EFCAB6: variants seen among roughly 807,000 people sequenced by gnomAD.
EFCAB6 encodes the protein EF-hand calcium-binding domain-containing protein 6.
A neutral mutation model predicts 169.8 loss-of-function variants in EFCAB6; 156 were observed. The ratio of observed to expected loss-of-function variants is 0.92; its 90% CI spans 0.81 to 1.05. The LOEUF (loss-of-function observed/expected upper bound fraction) is 1.05. Ranked by LOEUF, EFCAB6 falls within the 50% of genes least tolerant of loss-of-function variation. The probability of loss-of-function intolerance (pLI) is 0.00; values close to 1 mark genes in which losing one functional copy is unlikely to be tolerated. For synonymous variants in EFCAB6, 698 were observed against 676.4 expected (o/e 1.03, Z -0.50); for missense variants, 1,800 against 1,829.1 (o/e 0.98, Z 0.29).
intron 9 of EFCAB6, among the ~76,000 whole-genome samples, chr22:43,715,867 A>G (rs983016139): frequency 2.0e-5 from 3 of 152,204 alleles, no homozygotes; most frequent in African/African-American, 4.8e-5. Context: ...CCTTATCGAC[A>G]CTGGCTTTGT....
intron 31 of EFCAB6, 178 bp downstream of exon 31, chr22:43,530,637 G>A: frequency 1.0e-6 from 1 of 985,448 alleles, no homozygotes; most frequent in Non-Finnish European, 1.2e-6. Context: ...GGGGTCTGAA[G>A]GTGAGGCGAG....
intron 2 of EFCAB6, among the ~76,000 whole-genome samples, chr22:43,805,966 A>ACTAG (rs1276763674): frequency 6.6e-6 from 1 of 152,108 alleles, no homozygotes; most frequent in East Asian, 1.9e-4. Context: ...GGAGTTCGAG[A>ACTAG]CTAGCCTGGC....
intron 6 of EFCAB6, among the ~76,000 whole-genome samples, chr22:43,746,900 G>A (rs1020690700): frequency 6.6e-6 from 1 of 152,206 alleles, no homozygotes; most frequent in African/African-American, 2.4e-5. Context: ...TAAGAGCCCT[G>A]GCCTCAGCTC....
intron 10 of EFCAB6, among the ~76,000 whole-genome samples, chr22:43,695,681 T>C (rs1361297720): frequency 6.6e-6 from 1 of 152,060 alleles, no homozygotes; most frequent in Non-Finnish European, 1.5e-5. Flanking sequence ...CACACTTATA[T>C]GGTTAGTTAA....
In EFCAB6 at chr22:43,678,027, A is replaced by T. The variant is rs1261256971; in HGVS notation, c.1388T>A (p.Met463Lys). 6.2e-7 allele frequency: 1 copy of T among 1,613,946 alleles called. No individual in the cohort carries two copies. The highest frequency in any genetic ancestry group is 8.5e-7 in the Non-Finnish European group (1 of 1,180,002). The part of the protein sequence containing the change: ...PGDTGVVNTS[M>K]FIDLIEENCR... ...GTTCTCTTCAATCAGATCAATAAACATGCTGGTGTTGACCACTCCAGTGTC... is the reference window on the plus strand; with the variant it reads ...GTTCTCTTCAATCAGATCAATAAACTTGCTGGTGTTGACCACTCCAGTGTC... The change falls in exon 13 of 32, where the codon ATG becomes AAG. Residue 463 changes from methionine (M) to lysine (K), a missense_variant. Coordinates refer to ENST00000262726, the MANE Select transcript of EFCAB6 (RefSeq NM_022785.4).
intron 6 of EFCAB6, among the ~76,000 whole-genome samples, chr22:43,749,470 G>C (rs1242916726): frequency 9.2e-5 from 14 of 152,138 alleles, no homozygotes; most frequent in Admixed American, 9.2e-4. Flanking sequence ...GAGGGGGTAT[G>C]GTTTCGGGAT....
At chr22:43,796,103 T>C (rs1357539117) in intron 2 of EFCAB6, among the ~76,000 whole-genome samples, 1 of 152,052 alleles carries the variant, frequency 6.6e-6, no homozygotes, top group Non-Finnish European at 1.5e-5. Flanking sequence ...CTGTATTTTA[T>C]TGATGAGTCT....
intron 8 of EFCAB6, among the ~76,000 whole-genome samples, chr22:43,723,078 G>A (rs761196210): frequency 1.3e-5 from 2 of 152,188 alleles, no homozygotes; most frequent in South Asian, 2.1e-4. Context: ...AACTGTATAC[G>A]TAGTGGAAAT....
intron 26 of EFCAB6, among the ~76,000 whole-genome samples, chr22:43,561,365 A>AAAAAG (rs1490036440): frequency 2.0e-5 from 3 of 151,868 alleles, no homozygotes; most frequent in African/African-American, 7.2e-5. Context: ...TCAAAAAAAA[A>AAAAAG]AAAAGAAAGA....
Position 43,802,889 on chromosome 22 carries a change from CTT to C in EFCAB6, c.-8+6104_-8+6105del. On this transcript the variant is annotated intron_variant, in intron 2 of 31. Coordinates refer to ENST00000262726, the MANE Select transcript of EFCAB6 (RefSeq NM_022785.4). ...AGCTATATTGTTAGCACACAGAACA[CTT>C]CATTGTTGTCTTTTGGGGAAGGAGC... 1.1e-5 allele frequency: 3 copies of C among 278,854 alleles called. No individual in the cohort carries two copies. In the South Asian group the frequency reaches 1.3e-4, roughly 12 times the overall value. 17.3% of individuals were successfully genotyped at this position (278,854 alleles called of 1,614,324 possible).
At chr22:43,600,995 C>T (rs897673291) in intron 22 of EFCAB6, among the ~76,000 whole-genome samples, 1 of 152,142 alleles carries the variant, frequency 6.6e-6, no homozygotes, top group African/African-American at 2.4e-5. Context: ...GAATACTTAC[C>T]TGTGAAAGGA....
At chr22:43,556,842 AT>A (rs2048737176) in intron 26 of EFCAB6, among the ~76,000 whole-genome samples, 1 of 152,248 alleles carries the variant, frequency 6.6e-6, no homozygotes, top group South Asian at 2.1e-4. Flanking sequence ...TGTGAAGTAA[AT>A]GAATGTCTTT....
chr22:43,672,550 G>C (rs546031512), intron 13 of EFCAB6, among the ~76,000 whole-genome samples: 7 of 152,300 alleles, frequency 4.6e-5, no homozygotes, highest in African/African-American at 1.7e-4. Context: ...CATAGACGGA[G>C]CTGGAGGCCA....
At chr22:43,585,796 C>T (rs1402843788) in intron 24 of EFCAB6, among the ~76,000 whole-genome samples, 1 of 152,098 alleles carries the variant, frequency 6.6e-6, no homozygotes, top group East Asian at 1.9e-4. Flanking sequence ...TATAGAGGAA[C>T]AAAGATAATG....
intron 7 of EFCAB6, among the ~76,000 whole-genome samples, chr22:43,734,405 A>T (rs1167933561): frequency 6.6e-6 from 1 of 152,180 alleles, no homozygotes; most frequent in Non-Finnish European, 1.5e-5. Context: ...TGAAAATAGC[A>T]TTGTTTTTGA....
chr22:43,695,673 C>T (rs185476536), intron 10 of EFCAB6, among the ~76,000 whole-genome samples: 94 of 152,184 alleles, frequency 6.2e-4, no homozygotes, highest in African/African-American at 2.1e-3. Flanking sequence ...AATATACTCA[C>T]ACTTATATGG....
chr22:43,576,514 A>T, intron 25 of EFCAB6, 26 bp from the exon 26 acceptor site: 4 of 1,504,964 alleles, frequency 2.7e-6, no homozygotes, highest in Non-Finnish European at 3.5e-6. Context: ...AGAAAAAAAG[A>T]TGGCAAATCC....
rs191736781 is a variant in EFCAB6 at position 43,556,222 on chromosome 22, G to T, written c.3421-1126C>A. Among the ~76,000 whole-genome samples, 3 of 152,114 alleles carry T rather than the reference G, an allele frequency of 2.0e-5. No individual in the cohort carries two copies. In the East Asian group the frequency reaches 5.8e-4, roughly 29 times the overall value. ...CTGCAAAGAGGCAGGGGTCAGGGGT[G>T]GGGGGAAATGGGCAGGGCCTGGGAA... On this transcript the variant is annotated intron_variant, in intron 26 of 31. Coordinates refer to ENST00000262726, the MANE Select transcript of EFCAB6 (RefSeq NM_022785.4).
intron 21 of EFCAB6, among the ~76,000 whole-genome samples, chr22:43,610,500 A>G (rs1006033179): frequency 1.1e-4 from 17 of 152,240 alleles, no homozygotes; most frequent in African/African-American, 4.1e-4. Context: ...ACTAGAGTGG[A>G]AAAAACTAGG....
Sources: allele counts gnomAD v4.1 joint callset (sites outside exome capture counted in the v4.1 genomes callset), GRCh38; gene constraint gnomAD v4.1.1; transcripts MANE v1.5; gene names NCBI Gene and HGNC (gene_info 2026-07-23, HGNC 2026-07-21).